Variants in MED14 observed in about 807,000 individuals in gnomAD.
MED14 encodes mediator of RNA polymerase II transcription subunit 14.
A neutral mutation model predicts 109.0 loss-of-function variants in MED14; 8 were observed. The observed-to-expected ratio is 0.07, with a 90% CI of 0.04 to 0.13. The LOEUF (loss-of-function observed/expected upper bound fraction) is 0.13. MED14 is among the 10% of genes least tolerant of loss of function. The pLI is 1.00. For missense variants in MED14, 711 were observed against 1,142.4 expected, an observed-to-expected ratio of 0.62 and a Z score of 5.44; for synonymous variants, 399 against 408.7, an observed-to-expected ratio of 0.98 and a Z score of 0.29.
rs190771077 is a variant in MED14, at chrX:40,716,072, T to C, written c.349-1362A>G. ...CATTTCTCAAAAGAAGACATACAAATGGCCAAAAGGTATTATGAAAAAATG... is the reference window on the plus strand; with the variant it reads ...CATTTCTCAAAAGAAGACATACAAACGGCCAAAAGGTATTATGAAAAAATG... On this transcript the variant is annotated intron_variant, in intron 3 of 30. Coordinates refer to ENST00000324817, the MANE Select transcript of MED14 (RefSeq NM_004229.4). Among the ~76,000 whole-genome samples the C allele has an allele frequency of 4.2e-3, 461 of 110,583 alleles. 6 individuals are homozygous for C. The highest frequency in any genetic ancestry group is 0.014 in the African/African-American group (422 of 30,429).
intron 15 of MED14, among the ~76,000 whole-genome samples, chrX:40,689,869 G>C (rs148282104): frequency 0.011 from 1,244 of 111,800 alleles, 20 homozygotes; most frequent in African/African-American, 0.038. Flanking sequence ...GAGTTCAATA[G>C]AGAACTACAG....
chrX:40,722,241 CAGA>C (rs1931744630), intron 3 of MED14, among the ~76,000 whole-genome samples: 1 of 112,029 alleles, frequency 8.9e-6, no homozygotes, highest in Non-Finnish European at 1.9e-5. Flanking sequence ...AGAATCCTAT[CAGA>C]TAAATTTAAC....
In MED14 at chrX:40,682,633, A is replaced by G; in HGVS notation, c.2335T>C (p.Cys779Arg). Reference protein sequence around the residue: ...DWNSIARLYECVLEFARSLPD... With the variant: ...DWNSIARLYERVLEFARSLPD... ...AGAGAACGTGCAAATTCCAACACAC[A>G]CTCATATAATCGTGCAATGCTATTC... is the stretch of plus-strand genomic sequence containing the variant. Residue 779 changes from cysteine to arginine, a missense_variant, in exon 18 of 31, where the codon TGT becomes CGT. By Grantham distance (180) the Cys-to-Arg change is radical (BLOSUM62 -3). Transcript: ENST00000324817. 1 of 1,189,417 alleles carries G rather than the reference A, an allele frequency of 8.4e-7. No homozygotes were observed. Among genetic ancestry groups the G allele is most frequent in the Non-Finnish European group, 1.1e-6 (1 of 883,484 alleles).
intron 26 of MED14, among the ~76,000 whole-genome samples, chrX:40,660,453 A>C (rs1324943581): frequency 8.9e-6 from 1 of 112,235 alleles, no homozygotes; most frequent in African/African-American, 3.2e-5. Flanking sequence ...CTTTTTCTGT[A>C]AAGTGTTATA....
intron 22 of MED14, 54 bp from the exon 23 acceptor site, chrX:40,672,026 G>T: frequency 1.4e-6 from 1 of 716,806 alleles, no homozygotes; most frequent in Non-Finnish European, 2.1e-6. Flanking sequence ...CGGAGCATAA[G>T]AGTGTGGCTT....
chrX:40,729,433 G>T (rs895186601), intron 1 of MED14, 88 bp from the exon 2 acceptor site: 2 of 925,015 alleles, frequency 2.2e-6, no homozygotes, highest in Non-Finnish European at 1.5e-6. Context: ...TATTAAATAC[G>T]TTAATGTTTC....
chrX:40,668,146 G>A (rs770126744), intron 23 of MED14, among the ~76,000 whole-genome samples: 1 of 111,570 alleles, frequency 9.0e-6, no homozygotes, highest in Admixed American at 9.5e-5. Flanking sequence ...ACTTTGGGAG[G>A]GCGAAGTGGG....
chrX:40,654,400 G>T lies in MED14; in HGVS notation c.4255C>A (p.Leu1419Met). The T allele has an allele frequency of 8.3e-7, 1 of 1,211,790 alleles. No homozygotes were observed. Among genetic ancestry groups the T allele is most frequent in the Non-Finnish European group, 1.1e-6 (1 of 895,470 alleles). Reference protein sequence around the residue: ...VAAPMMVSNILKRFAEMNPPR... With the variant: ...VAAPMMVSNIMKRFAEMNPPR... ...GGATTCATCTCTGCAAACCTCTTCA[G>T]AATGTTGCTGACCATCATGGGAGCA... The change falls in exon 30 of 31, where the codon CTG (leucine) becomes ATG (methionine). Residue 1419 changes from leucine to methionine, a missense_variant. Leu to Met is a conservative substitution (Grantham distance 15). This residue lies in a region of MED14 where 41 missense variants were observed against 66.9 expected (regional missense o/e 0.61). Transcript: ENST00000324817.
chrX:40,653,882 C>T (rs1928962762), intron 30 of MED14: 1 of 114,446 alleles, frequency 8.7e-6, no homozygotes, highest in Non-Finnish European at 1.8e-5. Flanking sequence ...CCATTTGTAT[C>T]AGCTTTTATT....
intron 26 of MED14, among the ~76,000 whole-genome samples, chrX:40,660,765 T>C (rs1929234180): frequency 5.3e-5 from 6 of 112,569 alleles, no homozygotes. Context: ...ATTACCATTT[T>C]GAGTGCTAAT....
Position 40,678,721 on chromosome X carries a change from G to C in MED14, c.2880+1143C>G, listed in dbSNP as rs187813198. Among the ~76,000 whole-genome samples the C allele has an allele frequency of 3.1e-3, 340 of 110,002 alleles. 4 individuals carry two copies. The highest frequency in any genetic ancestry group is 0.01 in the African/African-American group (305 of 30,168). On this transcript the variant is annotated intron_variant, in intron 21 of 30. Coordinates refer to ENST00000324817, the MANE Select transcript of MED14 (RefSeq NM_004229.4). Reference sequence around the variant, plus strand: ...CTGGGGACGCTGAGGTGGGAGGATGGATTTAGCCCTGGTGGTTGAGGCTGC... The same window carrying C: ...CTGGGGACGCTGAGGTGGGAGGATGCATTTAGCCCTGGTGGTTGAGGCTGC...
At chrX:40,679,396 A>T (rs148720275) in intron 21 of MED14, among the ~76,000 whole-genome samples, 1,642 of 111,174 alleles carry the variant, frequency 0.015, 14 homozygotes, top group Middle Eastern at 0.06. Flanking sequence ...AATCTCAGCT[A>T]CTGGGGAGGC....
At chrX:40,683,072 G>T in intron 16 of MED14, 76 bp from the exon 17 acceptor site, 1 of 890,127 alleles carries the variant, frequency 1.1e-6, no homozygotes, top group Non-Finnish European at 1.6e-6. Flanking sequence ...GACAAGGTAT[G>T]ACATTACAGC....
At chrX:40,706,592 C>T (rs6609087) in intron 10 of MED14, among the ~76,000 whole-genome samples, 5,501 of 111,509 alleles carry the variant, frequency 0.049, 268 homozygotes, top group Admixed American at 0.13. Context: ...GAGCAGACAG[C>T]TGAACTCAGA....
chrX:40,721,421 G>C (rs896847882), intron 3 of MED14, among the ~76,000 whole-genome samples: 1 of 112,709 alleles, frequency 8.9e-6, no homozygotes, highest in African/African-American at 3.2e-5. Context: ...GGAAAGGGGA[G>C]AGAAAAGCAG....
chrX:40,694,045 G>A lies in MED14; in HGVS notation c.1651-1143C>T, dbSNP rs140769465. Among the ~76,000 whole-genome samples the A allele has an allele frequency of 3.2e-3, 356 of 110,664 alleles. 2 individuals are homozygous for A. The highest frequency in any genetic ancestry group is 0.011 in the African/African-American group (344 of 30,439). ...CCCAAGCAGCTGGGATTACAGGTGT[G>A]TGCCACTACACTAGGCTAATTTTTT... On this transcript the variant is annotated intron_variant, in intron 13 of 30. Transcript: ENST00000324817.
At chrX:40,729,398 GTGA>G (rs1379199246) in intron 1 of MED14, 53 bp from the exon 2 acceptor site, 24 of 1,069,793 alleles carry the variant, frequency 2.2e-5, no homozygotes, top group Non-Finnish European at 2.9e-5. Context: ...TCATTCTAAT[GTGA>G]TAATAGTCTT....
At chrX:40,711,114 A>G in intron 8 of MED14, 55 bp downstream of exon 8, 1 of 1,145,471 alleles carries the variant, frequency 8.7e-7, no homozygotes, top group Admixed American at 2.5e-5. Flanking sequence ...AAAAAGAGAA[A>G]TAAAAAGAGT....
Position 40,692,751 on chromosome X carries a change from C to G in MED14, c.1802G>C (p.Arg601Pro), listed in dbSNP as rs371815878. 3 of 1,208,731 alleles carry G rather than the reference C, an allele frequency of 2.5e-6. No homozygotes were observed. Among genetic ancestry groups the G allele is most frequent in the Non-Finnish European group, 3.4e-6 (3 of 894,841 alleles). Residue 601 changes from arginine (R) to proline (P), a missense_variant, in exon 14 of 31, where the codon CGT becomes CCT. This residue lies in a region of MED14 where 388 missense variants were observed against 517.3 expected (regional missense o/e 0.75). Transcript: ENST00000324817. ...FKENIQDLVF[R>P]TKTGKQTRTN... is the part of the protein sequence containing the mutation. Reference sequence around the variant, plus strand: ...TCTGGTCTGTTTCCCGGTTTTTGTACGAAAAACCAAGTCCTGAATGTTTTC... The same window carrying G: ...TCTGGTCTGTTTCCCGGTTTTTGTAGGAAAAACCAAGTCCTGAATGTTTTC...
Sources: gnomAD v4.1 joint callset for allele counts (sites outside exome capture counted in the v4.1 genomes callset) on GRCh38, gnomAD v4.1.1 for gene constraint, gnomAD v4.1.1 regional missense constraint, MANE v1.5 for transcripts, NCBI Gene and HGNC (gene_info 2026-07-23, HGNC 2026-07-21) for gene names.